SANBR: variants seen among roughly 807,000 people sequenced by gnomAD.
SANBR encodes the protein SANT and BTB domain regulator of class switch recombination.
Under a neutral mutation model 101.8 loss-of-function variants are expected in SANBR, and 77 were observed. The ratio of observed to expected loss-of-function variants is 0.76; its 90% CI spans 0.63 to 0.91. The LOEUF is 0.91. SANBR is among the 40% of genes least tolerant of loss of function. SANBR has a pLI of 0.00. For missense variants in SANBR, 875 were observed against 853.0 expected, an observed-to-expected ratio of 1.03 and a Z score of -0.32; for synonymous variants, 279 against 274.7, an observed-to-expected ratio of 1.02 and a Z score of -0.15.
At chr2:61,130,674 C>T (rs768091223) in intron 20 of SANBR, among the ~76,000 whole-genome samples, 5 of 151,264 alleles carry the variant, frequency 3.3e-5, no homozygotes, top group African/African-American at 7.3e-5. Context: ...ATCAGCTGGG[C>T]GTGGTGGCTC....
chr2:61,089,730 AG>A (rs759898630), intron 10 of SANBR: 1 of 152,374 alleles, frequency 6.6e-6, no homozygotes, highest in Non-Finnish European at 1.5e-5. Context: ...GTTCAAAACA[AG>A]TTCTCATTCT....
intron 1 of SANBR, among the ~76,000 whole-genome samples, chr2:61,067,485 C>T (rs1456009944): frequency 2.6e-5 from 4 of 152,166 alleles, no homozygotes; most frequent in Non-Finnish European, 5.9e-5. Flanking sequence ...CGCCTGTAAT[C>T]CCAGCACTTT....
At chr2:61,071,930 C>A in intron 4 of SANBR, 138 bp downstream of exon 4, 1 of 596,158 alleles carries the variant, frequency 1.7e-6, no homozygotes, top group Non-Finnish European at 2.8e-6. Context: ...TTTGTATCTT[C>A]CTGAATTTTG....
intron 8 of SANBR, among the ~76,000 whole-genome samples, chr2:61,087,093 C>G (rs996785589): frequency 6.6e-6 from 1 of 152,136 alleles, no homozygotes; most frequent in Non-Finnish European, 1.5e-5. Context: ...AAAAACATCA[C>G]TTAACCCTCA....
intron 4 of SANBR, among the ~76,000 whole-genome samples, chr2:61,073,016 A>G: frequency 6.6e-6 from 1 of 151,744 alleles, no homozygotes; most frequent in Non-Finnish European, 1.5e-5. Context: ...ATTATAGTCA[A>G]CAAGAGCTTC....
chr2:61,082,247 A>C lies in SANBR; in HGVS notation c.729+737A>C, dbSNP rs1466373971. Among the ~76,000 whole-genome samples the C allele has an allele frequency of 2.0e-5, 3 of 152,206 alleles. No individual in the cohort carries two copies. In the East Asian group the frequency reaches 5.8e-4, roughly 29 times the overall value. On this transcript the variant is annotated intron_variant, in intron 7 of 21. Coordinates refer to ENST00000402291, the MANE Select transcript of SANBR (RefSeq NM_001129993.3). ...GAAGGGTTACAGAAAAAAAGCAGAG[A>C]CTAAATGAGTTTTTGAGTTTTGAAA...
At chr2:61,086,272 C>G (rs1157299509) in intron 8 of SANBR, among the ~76,000 whole-genome samples, 1 of 151,946 alleles carries the variant, frequency 6.6e-6, no homozygotes, top group Non-Finnish European at 1.5e-5. Flanking sequence ...CAAGCATCCT[C>G]CCACCTTGAT....
chr2:61,124,499 A>G (rs1684456524), downstream of SANBR, among the ~76,000 whole-genome samples: 1 of 152,138 alleles, frequency 6.6e-6, no homozygotes, highest in South Asian at 2.1e-4. Flanking sequence ...CAGGAGTTCA[A>G]GATCAGCCTG....
intron 8 of SANBR, 67 bp downstream of exon 8, chr2:61,083,381 G>A: frequency 5.0e-6 from 5 of 995,248 alleles, no homozygotes; most frequent in Non-Finnish European, 7.5e-6. Context: ...TATTTCATGT[G>A]AGTGAAATAT....
chr2:61,127,135 G>A (rs1287003309), downstream of SANBR, among the ~76,000 whole-genome samples: 1 of 152,228 alleles, frequency 6.6e-6, no homozygotes, highest in East Asian at 1.9e-4. Flanking sequence ...AAATGTGAAC[G>A]CCAGAGCAGA....
chr2:61,107,617 A>G (rs1345951074), intron 14 of SANBR, among the ~76,000 whole-genome samples: 3 of 152,192 alleles, frequency 2.0e-5, no homozygotes, highest in Non-Finnish European at 1.5e-5. Context: ...ACAAATATTC[A>G]GTCATGCCGG....
chr2:61,066,703 C>T (rs1425581057), intron 1 of SANBR, among the ~76,000 whole-genome samples: 3 of 152,216 alleles, frequency 2.0e-5, no homozygotes, highest in Non-Finnish European at 4.4e-5. Flanking sequence ...ACGTCTCTGT[C>T]TCCAAGAGCT....
At chr2:61,097,558 A>C in intron 11 of SANBR, 142 bp from the exon 12 acceptor site, 1 of 557,976 alleles carries the variant, frequency 1.8e-6, no homozygotes, top group East Asian at 3.0e-5. Context: ...GGCAACCACT[A>C]ATCTACTTTG....
At chr2:61,070,111 G>T (rs974893339) in intron 2 of SANBR, among the ~76,000 whole-genome samples, 1 of 152,112 alleles carries the variant, frequency 6.6e-6, no homozygotes, top group East Asian at 1.9e-4. Flanking sequence ...GCTTTTTATC[G>T]TATATTTATT....
At position 61,116,074 on chromosome 2, in the gene SANBR, ACT is replaced by A; in HGVS notation, c.1836+7_1836+8del. 1 of 1,574,682 alleles carries A rather than the reference ACT, an allele frequency of 6.4e-7. No individual in the cohort carries two copies. Among genetic ancestry groups the A allele is most frequent in the East Asian group, 2.2e-5 (1 of 44,572 alleles). On this transcript the variant is annotated splice_donor_5th_base_variant and intron_variant, in intron 17 of 21. Coordinates refer to ENST00000402291, the MANE Select transcript of SANBR (RefSeq NM_001129993.3). The stretch of plus-strand genomic sequence containing the variant: ...GAAAGAAAAGGCATTGGAGAAGGTA[ACT>A]CTGAATTATCTGTTGTTAAAGTTCA...
At chr2:61,070,591 GT>G in intron 3 of SANBR, 91 bp downstream of exon 3, 1 of 1,198,820 alleles carries the variant, frequency 8.3e-7, no homozygotes, top group Non-Finnish European at 1.2e-6. Flanking sequence ...AAATATTTGA[GT>G]TTTACATATT....
intron 4 of SANBR, among the ~76,000 whole-genome samples, chr2:61,072,821 CTTT>C (rs70959893): frequency 2.5e-4 from 8 of 31,654 alleles, no homozygotes; most frequent in African/African-American, 8.1e-4. Flanking sequence ...TCTCATGTTA[CTTT>C]TTTTTTTTTT....
chr2:61,103,408 G>C (rs761242536), intron 12 of SANBR, among the ~76,000 whole-genome samples: 1 of 151,922 alleles, frequency 6.6e-6, no homozygotes, highest in Non-Finnish European at 1.5e-5. Flanking sequence ...CAAAGTGCTG[G>C]GATTATAGGC....
At chr2:61,130,872 G>A (rs1469356789) in intron 20 of SANBR, among the ~76,000 whole-genome samples, 2 of 128,080 alleles carry the variant, frequency 1.6e-5, no homozygotes, top group African/African-American at 3.1e-5. Flanking sequence ...GGAGGTTGCA[G>A]TGAGCCGAGA....
Sources: gnomAD v4.1 joint callset for allele counts (sites outside exome capture counted in the v4.1 genomes callset) on GRCh38, gnomAD v4.1.1 for gene constraint, MANE v1.5 for transcripts, NCBI Gene and HGNC (gene_info 2026-07-23, HGNC 2026-07-21) for gene names.